CCDC122: variants seen among roughly 807,000 people sequenced by gnomAD.
CCDC122 encodes the protein coiled-coil domain-containing protein 122.
A neutral mutation model predicts 37.0 loss-of-function variants in CCDC122; 38 were observed. The observed-to-expected ratio is 1.03, with a 90% CI of 0.79 to 1.35. CCDC122 has a LOEUF of 1.35. Ranked by LOEUF, CCDC122 falls within the 40% of genes most tolerant of loss-of-function variation. The pLI is 0.00. For missense variants in CCDC122, 305 were observed against 310.0 expected (o/e 0.98, Z 0.12); for synonymous variants, 83 against 95.6 (o/e 0.87, Z 0.77).
chr13:43,831,501 T>C (rs1219117725), downstream of CCDC122, among the ~76,000 whole-genome samples: 11 of 152,216 alleles, frequency 7.2e-5, no homozygotes, highest in Admixed American at 3.3e-4. Context: ...TATGTCTATT[T>C]CATGTAAAAT....
downstream of CCDC122, among the ~76,000 whole-genome samples, chr13:43,833,774 C>T (rs1271684573): frequency 3.4e-5 from 2 of 59,688 alleles, no homozygotes; most frequent in Non-Finnish European, 6.7e-5. Context: ...CCTGATGACA[C>T]AACAAGTCCA....
At chr13:43,834,994 T>C (rs922385718), downstream of CCDC122, among the ~76,000 whole-genome samples, 24 of 152,156 alleles carry the variant, frequency 1.6e-4, no homozygotes, top group Non-Finnish European at 3.1e-4. Context: ...CATGCTGCTA[T>C]AAAGACACAT....
At chr13:43,851,558 C>T (rs940305878) in intron 6 of CCDC122, among the ~76,000 whole-genome samples, 6 of 152,100 alleles carry the variant, frequency 3.9e-5, no homozygotes, top group African/African-American at 1.2e-4. Context: ...AGTGAATGCC[C>T]GCAGGGAGGC....
At chr13:43,848,735 T>G in intron 6 of CCDC122, 1 of 565,476 alleles carries the variant, frequency 1.8e-6, no homozygotes, top group Non-Finnish European at 2.2e-6. Context: ...TTTATTTTTA[T>G]GAACCAAAAA....
chr13:43,829,961 C>T (rs1225359589), intron 3 of CCDC122, among the ~76,000 whole-genome samples: 2 of 152,134 alleles, frequency 1.3e-5, no homozygotes, highest in Non-Finnish European at 2.9e-5. Flanking sequence ...CTGCAGCCTC[C>T]GCCTCCTGGC....
rs1216528093 is a variant in CCDC122 at position 43,847,406 on chromosome 13, T to C, written c.673-9977A>G. Among the ~76,000 whole-genome samples the C allele has an allele frequency of 3.6e-4, 55 of 152,180 alleles. 1 individual carries two copies. Among genetic ancestry groups the C allele is most frequent in the Admixed American group, 3.6e-3 (55 of 15,282 alleles). On this transcript the variant is annotated intron_variant, in intron 6 of 6. Coordinates refer to ENST00000444614, the MANE Select transcript of CCDC122 (RefSeq NM_144974.5). ...CTTTCTTCTAACATTTTAATCTTTT[T>C]TAAGGAGAATGTATTCCTAAAAACA...
At position 43,842,394 on chromosome 13, in the gene CCDC122, T is replaced by C. The variant is rs570108470; in HGVS notation, c.673-4965A>G. Among the ~76,000 whole-genome samples the C allele has an allele frequency of 2.6e-5, 4 of 152,252 alleles. No individual in the cohort carries two copies. The East Asian group carries it at 7.7e-4, about 29-fold the overall frequency. On this transcript the variant is annotated intron_variant, in intron 6 of 6. Coordinates refer to ENST00000444614, the MANE Select transcript of CCDC122 (RefSeq NM_144974.5). ...CTCTATTCTGTTCCATTGGTCTATTTATTCTTTTACCAATACTACAGTTAC... is the reference window on the plus strand; with the variant it reads ...CTCTATTCTGTTCCATTGGTCTATTCATTCTTTTACCAATACTACAGTTAC...
At chr13:43,838,818 T>G (rs1193357710) in intron 6 of CCDC122, among the ~76,000 whole-genome samples, 1 of 152,216 alleles carries the variant, frequency 6.6e-6, no homozygotes, top group Admixed American at 6.5e-5. Flanking sequence ...ATGTGCCGGG[T>G]GGAGCACAGG....
intron 6 of CCDC122, among the ~76,000 whole-genome samples, chr13:43,847,237 A>G (rs1170446296): frequency 6.6e-6 from 1 of 152,204 alleles, no homozygotes; most frequent in East Asian, 1.9e-4. Context: ...TGATACATAT[A>G]CTACATTTAC....
rs930583383 is a variant in CCDC122 at position 43,838,278 on chromosome 13, C to A, written c.673-849G>T. 3.3e-5 allele frequency among the ~76,000 whole-genome samples: 5 copies of A among 152,122 alleles called. No homozygotes were observed. The South Asian group carries it at 8.3e-4, about 25-fold the overall frequency. On this transcript the variant is annotated intron_variant, in intron 6 of 6. Coordinates refer to ENST00000444614, the MANE Select transcript of CCDC122 (RefSeq NM_144974.5). ...TAACATCAGTTAAGAAAAATGGTTCCATTTCCCATTTCCTGTATACAGTGA... is the reference window on the plus strand; with the variant it reads ...TAACATCAGTTAAGAAAAATGGTTCAATTTCCCATTTCCTGTATACAGTGA...
At chr13:43,828,708 T>C (rs1182933427) in intron 3 of CCDC122, among the ~76,000 whole-genome samples, 1 of 152,144 alleles carries the variant, frequency 6.6e-6, no homozygotes, top group Non-Finnish European at 1.5e-5. Context: ...TTGGTTAGAA[T>C]TCTTTGCCAT....
downstream of CCDC122, among the ~76,000 whole-genome samples, chr13:43,821,450 C>T (rs1952991865): frequency 6.6e-6 from 1 of 152,196 alleles, no homozygotes; most frequent in Non-Finnish European, 1.5e-5. Context: ...TCTTGAACTC[C>T]TGACCTCAAG....
intron 3 of CCDC122, among the ~76,000 whole-genome samples, chr13:43,824,669 A>T (rs1212453654): frequency 6.6e-6 from 1 of 152,236 alleles, no homozygotes; most frequent in Admixed American, 6.5e-5. Flanking sequence ...AAGGTCTAAT[A>T]TTCAGAATCT....
chr13:43,846,952 C>T (rs543322559), intron 6 of CCDC122, among the ~76,000 whole-genome samples: 36 of 152,222 alleles, frequency 2.4e-4, no homozygotes, highest in African/African-American at 7.7e-4. Context: ...GAAAGTATTA[C>T]GTAACAGAAA....
At chr13:43,868,984 T>C (rs1668739278) in intron 3 of CCDC122, among the ~76,000 whole-genome samples, 181 bp from the exon 4 acceptor site, 1 of 152,086 alleles carries the variant, frequency 6.6e-6, no homozygotes, top group South Asian at 2.1e-4. Context: ...GCAACAATAA[T>C]AGGCAATTCA....
At chr13:43,852,917 C>T (rs1252164574) in intron 6 of CCDC122, among the ~76,000 whole-genome samples, 1 of 152,018 alleles carries the variant, frequency 6.6e-6, no homozygotes, top group Non-Finnish European at 1.5e-5. Context: ...AAATAAGATC[C>T]TTTTCAGATA....
chr13:43,868,572 C>A, intron 4 of CCDC122, 122 bp downstream of exon 4: 1 of 520,484 alleles, frequency 1.9e-6, no homozygotes, highest in Non-Finnish European at 3.2e-6. Context: ...TTAGGGAGAA[C>A]AGAATAATTG....
intron 6 of CCDC122, among the ~76,000 whole-genome samples, chr13:43,840,635 TTTGGTTTTTTGTC>T (rs1256826794): frequency 9.2e-5 from 14 of 152,184 alleles, no homozygotes; most frequent in African/African-American, 3.1e-4. Context: ...ACATGCGGTG[TTTGGTTTTTTGTC>T]TTGCAACAGT....
At chr13:43,861,910 T>C (rs1954117533) in intron 4 of CCDC122, among the ~76,000 whole-genome samples, 1 of 152,184 alleles carries the variant, frequency 6.6e-6, no homozygotes. Flanking sequence ...TCATTCTTGA[T>C]TCTTCCCTTT....
Sources: gnomAD v4.1 joint callset for allele counts (sites outside exome capture counted in the v4.1 genomes callset) on GRCh38, gnomAD v4.1.1 for gene constraint, MANE v1.5 for transcripts, NCBI Gene and HGNC (gene_info 2026-07-23, HGNC 2026-07-21) for gene names.